Variants in LENG1 observed in about 807,000 individuals in gnomAD.
LENG1 encodes leukocyte receptor cluster (LRC) member 1.
A neutral mutation model predicts 28.8 loss-of-function variants in LENG1; 35 were observed. The ratio of observed to expected loss-of-function variants is 1.22; its 90% confidence interval spans 0.93 to 1.61. The LOEUF (loss-of-function observed/expected upper bound fraction) is 1.61, where lower values mean the gene tolerates loss of function less well. Among genes scored for constraint, LENG1 ranks in the 40% most tolerant of loss-of-function variants. LENG1 has a pLI of 0.00. For synonymous variants in LENG1, 170 were observed against 140.6 expected (o/e 1.21, Z -1.48); for missense variants, 404 against 348.9 (o/e 1.16, Z -1.26).
chr19:54,155,917 C>G lies in LENG1; in HGVS notation c.599G>C (p.Arg200Pro). The change falls in exon 4 of 4, where the codon CGA (arginine) becomes CCA (proline). Residue 200 changes from arginine to proline, a missense_variant. Physicochemically the swap from Arg to Pro is moderately radical, Grantham distance 103. Transcript: ENST00000222224. ...PKEPPSLDQL[R>P]AERLRREAAE... ...TGCTTCCCTCCGCAGACGTTCAGCT[C>G]GAAGCTGGTCCAGGGATGGAGGCCT... 1.2e-6 allele frequency: 2 copies of G among 1,610,916 alleles called. No individual in the cohort carries two copies. The highest frequency in any genetic ancestry group is 1.1e-5 in the South Asian group (1 of 90,376).
chr19:54,155,276 G>A lies in LENG1; in HGVS notation c.*445C>T, dbSNP rs200681035. 7.8e-5 allele frequency: 126 copies of A among 1,610,398 alleles called. No individual in the cohort carries two copies. In the African/African-American group the frequency reaches 1.1e-3, roughly 13 times the overall value. ...GGCCCAGATCCCAGACCACCTCCTC[G>A]TCCACTCACTGACCGCCTTCTCCCC... On this transcript the variant is annotated 3_prime_UTR_variant, in exon 4 of 4. Coordinates refer to ENST00000222224, the MANE Select transcript of LENG1 (RefSeq NM_024316.3).
chr19:54,158,473 G>T lies in LENG1; in HGVS notation c.133-12C>A. The T allele has an allele frequency of 6.2e-7, 1 of 1,609,514 alleles. No homozygotes were observed. The highest frequency in any genetic ancestry group is 1.1e-5 in the South Asian group (1 of 90,916). On this transcript the variant is annotated splice_polypyrimidine_tract_variant and intron_variant, in intron 1 of 3. Coordinates refer to ENST00000222224, the MANE Select transcript of LENG1 (RefSeq NM_024316.3). ...AATTCTGTACGGGCCTGGGGAGAAA[G>T]TTATAGGCAGGACATTCAGAACCTA...
chr19:54,155,579 C>CG lies in LENG1; in HGVS notation c.*141dup. The CG allele has an allele frequency of 2.0e-6, 2 of 1,011,764 alleles. No individual in the cohort carries two copies. Among genetic ancestry groups the CG allele is most frequent in the Admixed American group, 2.7e-5 (1 of 36,800 alleles). The allele number at this position is 1,011,764 out of a possible 1,614,324, so 62.7% of individuals were successfully genotyped here. On this transcript the variant is annotated 3_prime_UTR_variant, in exon 4 of 4. Coordinates refer to ENST00000222224, the MANE Select transcript of LENG1 (RefSeq NM_024316.3). ...TCCTCTCAGCCCCACCCTGGGGGCC[C>CG]GGGGGCGAGGGCTGCCCCCTCCTCC...
intron 1 of LENG1, 26 bp from the exon 2 acceptor site, chr19:54,158,487 A>C (rs1163561228): frequency 6.2e-7 from 1 of 1,602,456 alleles, no homozygotes; most frequent in African/African-American, 1.3e-5. Context: ...TAGGCAGGAC[A>C]TTCAGAACCT....
At position 54,155,935 on chromosome 19, in the gene LENG1, G is replaced by A; in HGVS notation, c.581C>T (p.Pro194Leu). 1.2e-6 allele frequency: 2 copies of A among 1,606,796 alleles called. No individual in the cohort carries two copies. The highest frequency in any genetic ancestry group is 2.2e-5 in the South Asian group (2 of 89,726). Residue 194 changes from proline (P) to leucine (L), a missense_variant, in exon 4 of 4, where the codon CCA (proline) becomes CTA (leucine). Physicochemically the swap from Pro to Leu is moderately conservative, Grantham distance 98 (BLOSUM62 -3). Coordinates refer to ENST00000222224, the MANE Select transcript of LENG1 (RefSeq NM_024316.3). ...GSEKQRPKEP[P>L]SLDQLRAERL... ...TTCAGCTCGAAGCTGGTCCAGGGAT[G>A]GAGGCCTGTGGGGAGAGGAGTGAGG...
chr19:54,155,496 G>A lies in LENG1; in HGVS notation c.*225C>T. ...CCCTGCCCTGGAAGACTGGAGGGAGGCCCCAAGCCACGGGGCATCCCCCTC... is the reference window on the plus strand; with the variant it reads ...CCCTGCCCTGGAAGACTGGAGGGAGACCCCAAGCCACGGGGCATCCCCCTC... On this transcript the variant is annotated 3_prime_UTR_variant, in exon 4 of 4. Coordinates refer to ENST00000222224, the MANE Select transcript of LENG1 (RefSeq NM_024316.3). The A allele has an allele frequency of 4.0e-6, 4 of 1,003,000 alleles. No homozygotes were observed. Among genetic ancestry groups the A allele is most frequent in the Non-Finnish European group, 4.4e-6 (3 of 683,792 alleles). The allele number at this position is 1,003,000 out of a possible 1,614,324, so 62.1% of individuals were successfully genotyped here. A position where few individuals can be genotyped will look rare whatever the true frequency, so the allele number is the denominator to read the frequency against.
intron 3 of LENG1, among the ~76,000 whole-genome samples, chr19:54,156,417 A>G (rs2075387460): frequency 6.6e-6 from 1 of 152,224 alleles, no homozygotes; most frequent in African/African-American, 2.4e-5. Context: ...GCTGCAAATC[A>G]TTAGTGAAAA....
chr19:54,159,524 CT>C, intron 1 of LENG1, 39 bp downstream of exon 1: 1 of 1,491,648 alleles, frequency 6.7e-7, no homozygotes, highest in Non-Finnish European at 8.9e-7. Flanking sequence ...CGCCTGCGCG[CT>C]GGGCCCCGGA....
chr19:54,158,497 T>C (rs1568710434), intron 1 of LENG1, 36 bp from the exon 2 acceptor site: 2 of 1,586,452 alleles, frequency 1.3e-6, no homozygotes, highest in Admixed American at 1.7e-5. Flanking sequence ...ATTCAGAACC[T>C]AGAGGTAATT....
rs758953544 is a variant in LENG1 at position 54,156,914 on chromosome 19, G to A, written c.424C>T (p.Pro142Ser). 3.7e-6 allele frequency: 6 copies of A among 1,609,860 alleles called. No individual in the cohort carries two copies. In the Admixed American group the frequency reaches 1.0e-4, roughly 27 times the overall value. The change falls in exon 3 of 4, where the codon CCC becomes TCC. Residue 142 changes from proline (P) to serine (S), a missense_variant. Coordinates refer to ENST00000222224, the MANE Select transcript of LENG1 (RefSeq NM_024316.3). ...ATCTTCTCATCTGGGGCTGGGCCGG[G>A]CGGGGGGCCCCCTCGCCCTGGGGGT... ...QLPPGRGGPP[P>S]GPAPDEKIKS...
In LENG1 at chr19:54,155,394, G is replaced by A. The variant is rs2075353663; in HGVS notation, c.*327C>T. 1.2e-6 allele frequency: 2 copies of A among 1,601,450 alleles called. No individual in the cohort carries two copies. Among genetic ancestry groups the A allele is most frequent in the Non-Finnish European group, 1.7e-6 (2 of 1,170,540 alleles). ...TTTGAGTACCGCTACCTGGAGGACC[G>A]GGACCTCCAGTGACACCGGCCCCTC... On this transcript the variant is annotated 3_prime_UTR_variant, in exon 4 of 4. Transcript: ENST00000222224.
In LENG1 at chr19:54,156,986, C is replaced by T. The variant is rs1490493461; in HGVS notation, c.352G>A (p.Gly118Ser). 6.3e-7 allele frequency: 1 copy of T among 1,580,826 alleles called. No homozygotes were observed. Among genetic ancestry groups the T allele is most frequent in the East Asian group, 2.3e-5 (1 of 44,340 alleles). The change falls in exon 3 of 4, where the codon GGC (glycine) becomes AGC (serine). Residue 118 changes from glycine to serine, a missense_variant. Gly to Ser is a moderately conservative substitution (Grantham distance 56). Coordinates refer to ENST00000222224, the MANE Select transcript of LENG1 (RefSeq NM_024316.3). ...EKALGILTYLGQSAAEAQTQP... is the reference protein window; with the variant it reads ...EKALGILTYLSQSAAEAQTQP... The stretch of plus-strand genomic sequence containing the variant: ...GTCTGTGCCTCCGCTGCACTCTGGC[C>T]CAGGTATGTCAGGATGCCCAGAGCT...
intron 2 of LENG1, among the ~76,000 whole-genome samples, 172 bp from the exon 3 acceptor site, chr19:54,157,197 T>C (rs569812895): frequency 6.6e-6 from 1 of 152,178 alleles, no homozygotes; most frequent in Admixed American, 6.5e-5. Flanking sequence ...GGGGGGACAG[T>C]AGCAGGTACA....
intron 3 of LENG1, among the ~76,000 whole-genome samples, chr19:54,156,343 C>T (rs1164334910): frequency 6.6e-6 from 1 of 152,186 alleles, no homozygotes; most frequent in East Asian, 1.9e-4. Context: ...GGTCTCAGGA[C>T]CCCTTTATAC....
chr19:54,157,091 A>AC, intron 2 of LENG1, 66 bp from the exon 3 acceptor site: 1 of 1,332,780 alleles, frequency 7.5e-7, no homozygotes, highest in Non-Finnish European at 1.0e-6. Context: ...TGTCTCCCTG[A>AC]CACAGGTATC....
In LENG1 at chr19:54,157,026, C is replaced by T. The variant is rs1171149475; in HGVS notation, c.313-1G>A. 8 of 1,527,552 alleles carry T rather than the reference C, an allele frequency of 5.2e-6. No homozygotes were observed. The Admixed American group carries it at 1.1e-4, about 21-fold the overall frequency. The allele number at this position is 1,527,552 out of a possible 1,614,324, so 94.6% of individuals were successfully genotyped here. A position where few individuals can be genotyped will look rare whatever the true frequency, so the allele number is the denominator to read the frequency against. On this transcript the variant is annotated splice_acceptor_variant, in intron 2 of 3. Transcript: ENST00000222224. LOFTEE classifies it high-confidence loss of function. ...TGCCCAGAGCTTTCTCTTGCCTCTCCTGAGGGGGCCAGGAAATACAAGAGA... is the reference window on the plus strand; with the variant it reads ...TGCCCAGAGCTTTCTCTTGCCTCTCTTGAGGGGGCCAGGAAATACAAGAGA...
At position 54,159,638 on chromosome 19, in the gene LENG1, C is replaced by T. The variant is rs1412161153; in HGVS notation, c.58G>A (p.Val20Met). ...CGGGCCTGGGCCTCGTCACGCCGCA[C>T]GCGGGCGACATTGTCCTTGTTCCGG... ...HVRNKDNVAR[V>M]RRDEAQAREE... is the part of the protein sequence containing the mutation. Residue 20 changes from valine to methionine, a missense_variant, in exon 1 of 4, where the codon GTG (valine) becomes ATG (methionine). Physicochemically the swap from Val to Met is conservative, Grantham distance 21. Coordinates refer to ENST00000222224, the MANE Select transcript of LENG1 (RefSeq NM_024316.3). 6.2e-7 allele frequency: 1 copy of T among 1,612,942 alleles called. No homozygotes were observed. Among genetic ancestry groups the T allele is most frequent in the Non-Finnish European group, 8.5e-7 (1 of 1,179,650 alleles).
intron 2 of LENG1, among the ~76,000 whole-genome samples, chr19:54,157,353 A>G (rs924948073): frequency 6.6e-6 from 1 of 152,198 alleles, no homozygotes; most frequent in Non-Finnish European, 1.5e-5. Context: ...GAGACAGCAG[A>G]TAAATGACAA....
intron 2 of LENG1, 55 bp from the exon 3 acceptor site, chr19:54,157,080 G>C: frequency 7.2e-7 from 1 of 1,389,956 alleles, no homozygotes; most frequent in East Asian, 2.4e-5. Flanking sequence ...GGTGTCAGGT[G>C]TGTCTCCCTG....
Sources: gnomAD v4.1 joint callset for allele counts (sites outside exome capture counted in the v4.1 genomes callset) on GRCh38, gnomAD v4.1.1 for gene constraint, MANE v1.5 for transcripts, NCBI Gene and HGNC (gene_info 2026-07-23, HGNC 2026-07-21) for gene names.